Variants in CLSTN2 observed in about 807,000 individuals in gnomAD.
The protein encoded by CLSTN2 is calsyntenin 2, also known as calsyntenin-2.
A neutral mutation model predicts 101.2 loss-of-function variants in CLSTN2; 48 were observed. The observed-to-expected ratio is 0.47, with a 90% CI of 0.38 to 0.60. The LOEUF is 0.60. Among genes scored for constraint, CLSTN2 ranks in the 20% least tolerant of loss-of-function variants. The probability of loss-of-function intolerance (pLI) is 0.00; values close to 1 mark genes in which losing one functional copy is unlikely to be tolerated. For synonymous variants in CLSTN2, 481 were observed against 463.6 expected (o/e 1.04, Z -0.48); for missense variants, 1,160 against 1,238.2 (o/e 0.94, Z 0.95).
chr3:140,077,253 C>A (rs2008507448), intron 1 of CLSTN2, among the ~76,000 whole-genome samples: 3 of 152,172 alleles, frequency 2.0e-5, no homozygotes, highest in Admixed American at 2.0e-4. Flanking sequence ...CTCTTCTGGG[C>A]CTCTTCTGTC....
At position 140,493,796 on chromosome 3, in the gene CLSTN2, A is replaced by G. The variant is rs964372817; in HGVS notation, c.1344+27065A>G. ...ATTCCATGTCATAGATGGGAGACCT[A>G]TGAGAATTGAAATGGCTTATCTTAG... is the stretch of plus-strand genomic sequence containing the variant. On this transcript the variant is annotated intron_variant, in intron 8 of 16. Transcript: ENST00000458420. 5.9e-5 allele frequency among the ~76,000 whole-genome samples: 9 copies of G among 152,232 alleles called. No individual in the cohort carries two copies. In the South Asian group the frequency reaches 6.2e-4, roughly 11 times the overall value.
chr3:140,125,782 G>A (rs575237609), intron 1 of CLSTN2, among the ~76,000 whole-genome samples: 29 of 152,194 alleles, frequency 1.9e-4, no homozygotes, highest in African/African-American at 6.5e-4. Flanking sequence ...GCTGAAAAGG[G>A]GACTAGAATT....
intron 1 of CLSTN2, among the ~76,000 whole-genome samples, chr3:140,166,872 G>A (rs1259251985): frequency 6.6e-6 from 1 of 152,164 alleles, no homozygotes; most frequent in East Asian, 1.9e-4. Flanking sequence ...GATGGGATGT[G>A]CAGAAAACAG....
intron 2 of CLSTN2, among the ~76,000 whole-genome samples, chr3:140,240,048 C>A (rs1296056166): frequency 6.8e-6 from 1 of 147,978 alleles, no homozygotes; most frequent in Non-Finnish European, 1.5e-5. Flanking sequence ...ACAGGAATTC[C>A]ATCTGTGAAT....
At chr3:140,386,833 A>G (rs1281034482) in intron 2 of CLSTN2, among the ~76,000 whole-genome samples, 1 of 152,168 alleles carries the variant, frequency 6.6e-6, no homozygotes, top group East Asian at 1.9e-4. Flanking sequence ...TACAGACAAT[A>G]GTAGCTCCAA....
intron 1 of CLSTN2, among the ~76,000 whole-genome samples, chr3:139,974,560 A>C (rs925909696): frequency 6.6e-6 from 1 of 152,220 alleles, no homozygotes; most frequent in Non-Finnish European, 1.5e-5. Flanking sequence ...AGGGAGCTGC[A>C]TTGACTGAAT....
intron 8 of CLSTN2, among the ~76,000 whole-genome samples, chr3:140,494,064 A>G (rs903045793): frequency 7.2e-5 from 11 of 152,240 alleles, no homozygotes; most frequent in African/African-American, 2.4e-4. Context: ...TTCTTTAACA[A>G]CAGATAACTT....
intron 1 of CLSTN2, among the ~76,000 whole-genome samples, chr3:140,141,339 C>A (rs1389690605): frequency 6.6e-6 from 1 of 152,162 alleles, no homozygotes; most frequent in Non-Finnish European, 1.5e-5. Context: ...CTTGCTTTGA[C>A]CAGATGGAAA....
At chr3:140,475,270 C>A (rs1351244582) in intron 8 of CLSTN2, among the ~76,000 whole-genome samples, 2 of 152,170 alleles carry the variant, frequency 1.3e-5, no homozygotes, top group African/African-American at 4.8e-5. Context: ...TAACAAAGTG[C>A]AGATCAGTGT....
At chr3:140,332,871 A>G (rs2087399497) in intron 2 of CLSTN2, among the ~76,000 whole-genome samples, 1 of 152,174 alleles carries the variant, frequency 6.6e-6, no homozygotes, top group East Asian at 1.9e-4. Context: ...AGAACCTTTG[A>G]AAATTAAAGA....
intron 2 of CLSTN2, among the ~76,000 whole-genome samples, chr3:140,385,681 A>T (rs541433585): frequency 9.2e-4 from 140 of 152,126 alleles, no homozygotes; most frequent in African/African-American, 3.2e-3. Context: ...CCGGCCCCTG[A>T]TGTTCTAACC....
intron 2 of CLSTN2, among the ~76,000 whole-genome samples, chr3:140,357,723 A>G (rs1479779079): frequency 6.6e-6 from 1 of 152,154 alleles, no homozygotes; most frequent in Non-Finnish European, 1.5e-5. Context: ...TGCCTTTAGA[A>G]TGAGATTCAG....
chr3:140,129,898 A>G (rs565689774), intron 1 of CLSTN2, among the ~76,000 whole-genome samples: 5 of 152,238 alleles, frequency 3.3e-5, no homozygotes, highest in African/African-American at 7.2e-5. Flanking sequence ...CCACTCTCCA[A>G]TCCCACTCTC....
At chr3:140,508,625 T>A (rs1418518091) in intron 8 of CLSTN2, 1 of 152,168 alleles carries the variant, frequency 6.6e-6, no homozygotes, top group East Asian at 1.9e-4. Flanking sequence ...AGGGAACACA[T>A]GAGGAGAAAT....
chr3:140,563,240 GTC>G (rs1456973259), intron 15 of CLSTN2, 37 bp downstream of exon 15: 24 of 1,605,904 alleles, frequency 1.5e-5, no homozygotes, highest in Non-Finnish European at 2.0e-5. Flanking sequence ...CAGGACACAG[GTC>G]GTCATTGTGA....
chr3:140,452,277 G>C (rs1412351763), intron 6 of CLSTN2, among the ~76,000 whole-genome samples: 1 of 151,930 alleles, frequency 6.6e-6, no homozygotes, highest in African/African-American at 2.4e-5. Context: ...TTCTGCTTCT[G>C]CTTGGTCAGG....
chr3:140,012,678 G>A (rs944073063), intron 1 of CLSTN2, among the ~76,000 whole-genome samples: 2 of 152,170 alleles, frequency 1.3e-5, no homozygotes, highest in Non-Finnish European at 1.5e-5. Context: ...AGAGTCATTA[G>A]GTTTTGCAGC....
intron 2 of CLSTN2, among the ~76,000 whole-genome samples, chr3:140,389,769 T>G (rs2088092669): frequency 6.6e-6 from 1 of 152,206 alleles, no homozygotes; most frequent in African/African-American, 2.4e-5. Flanking sequence ...GCATTCCTAT[T>G]TCTTCACAAC....
intron 2 of CLSTN2, among the ~76,000 whole-genome samples, chr3:140,287,701 T>A (rs148467399): frequency 2.6e-5 from 4 of 152,144 alleles, no homozygotes; most frequent in African/African-American, 9.7e-5. Flanking sequence ...AGCCTAGTGA[T>A]GTAGGTATTG....
Sources: gnomAD v4.1 joint callset for allele counts (sites outside exome capture counted in the v4.1 genomes callset) on GRCh38, gnomAD v4.1.1 for gene constraint, MANE v1.5 for transcripts, NCBI Gene and HGNC (gene_info 2026-07-23, HGNC 2026-07-21) for gene names.